The following CADM2 variants were observed in gnomAD, a reference collection of about 807,000 sequenced individuals.
The protein encoded by CADM2 is cell adhesion molecule 2.
CADM2 carries 12 observed loss-of-function variants against 49.8 expected under a neutral mutation model. The observed-to-expected ratio is 0.24, with a 90% CI of 0.15 to 0.39. The LOEUF (loss-of-function observed/expected upper bound fraction) is 0.39. Among genes scored for constraint, CADM2 ranks in the 10% least tolerant of loss-of-function variants. The pLI is 1.00. For missense variants in CADM2, 378 were observed against 492.3 expected (o/e 0.77, Z 2.20); for synonymous variants, 214 against 175.4 (o/e 1.22, Z -1.74).
In CADM2 at chr3:85,837,420, A is replaced by G. The variant is rs141145342; in HGVS notation, c.238+35224A>G. Among the ~76,000 whole-genome samples the G allele has an allele frequency of 5.4e-4, 82 of 151,796 alleles. No homozygotes were observed. In the East Asian group the frequency reaches 0.016, roughly 29 times the overall value. On this transcript the variant is annotated intron_variant, in intron 3 of 9. Coordinates refer to ENST00000383699, the MANE Select transcript of CADM2 (RefSeq NM_001167675.2). ...TTACCTATAATTTAATTAGGGGGAA[A>G]AAAACAGTTCCAGAGAGATTTCGCA... is the stretch of plus-strand genomic sequence containing the variant.
At chr3:85,736,354 G>T (rs888118023) in intron 2 of CADM2, among the ~76,000 whole-genome samples, 1 of 152,072 alleles carries the variant, frequency 6.6e-6, no homozygotes, top group African/African-American at 2.4e-5. Flanking sequence ...CAAAACAATG[G>T]TACAATAAGA....
chr3:85,918,401 A>T (rs558314932), intron 6 of CADM2, among the ~76,000 whole-genome samples: 1 of 152,284 alleles, frequency 6.6e-6, no homozygotes, highest in East Asian at 1.9e-4. Flanking sequence ...TTCAGCATCT[A>T]TTGAGATAAT....
intron 1 of CADM2, among the ~76,000 whole-genome samples, chr3:85,638,796 A>C (rs188276388): frequency 6.6e-6 from 1 of 152,162 alleles, no homozygotes; most frequent in Admixed American, 6.5e-5. Context: ...ATCACAGAAT[A>C]TAATATCAGC....
At chr3:86,024,520 G>C (rs1733624218) in intron 8 of CADM2, among the ~76,000 whole-genome samples, 1 of 152,146 alleles carries the variant, frequency 6.6e-6, no homozygotes. Flanking sequence ...CCTGAGGTCT[G>C]CTCAAATTAG....
chr3:85,180,565 C>T (rs2040909784), intron 1 of CADM2, among the ~76,000 whole-genome samples: 2 of 150,216 alleles, frequency 1.3e-5, no homozygotes, highest in Admixed American at 6.6e-5. Context: ...ACCACCCTAC[C>T]TTCTCTCTTG....
Position 85,603,885 on chromosome 3 carries a change from A to G in CADM2, c.62-122637A>G, listed in dbSNP as rs948068861. Among the ~76,000 whole-genome samples, 8 of 151,980 alleles carry G rather than the reference A, an allele frequency of 5.3e-5. No homozygotes were observed. The Admixed American group carries it at 5.3e-4, about 10-fold the overall frequency. ...TGCTAACTTCTTATCTTCATTTTTA[A>G]TAAGGAAATGTATCCTTTAAAGTAT... On this transcript the variant is annotated intron_variant, in intron 1 of 9. Transcript: ENST00000383699.
intron 2 of CADM2, among the ~76,000 whole-genome samples, chr3:85,741,742 T>G (rs1330019460): frequency 6.6e-6 from 1 of 152,212 alleles, no homozygotes; most frequent in African/African-American, 2.4e-5. Flanking sequence ...AACTGAGATT[T>G]AAAAATCAAA....
At chr3:85,243,913 G>A (rs1046987097) in intron 1 of CADM2, among the ~76,000 whole-genome samples, 2 of 151,796 alleles carry the variant, frequency 1.3e-5, no homozygotes, top group Non-Finnish European at 2.9e-5. Context: ...AATATTTAAT[G>A]TGCAAATATT....
At chr3:85,173,478 GT>G (rs76668519) in intron 1 of CADM2, among the ~76,000 whole-genome samples, 15,093 of 152,036 alleles carry the variant, frequency 0.099, 938 homozygotes, top group African/African-American at 0.17. Flanking sequence ...AATTTCTCAA[GT>G]TTTTTCTTGA....
intron 1 of CADM2, among the ~76,000 whole-genome samples, chr3:85,343,942 A>T (rs1386531539): frequency 1.9e-4 from 29 of 152,338 alleles, no homozygotes; most frequent in Non-Finnish European, 2.1e-4. Flanking sequence ...TTCTTTAGAC[A>T]CTGCAAAGTG....
chr3:85,203,379 G>A (rs1161524464), intron 1 of CADM2, among the ~76,000 whole-genome samples: 1 of 152,064 alleles, frequency 6.6e-6, no homozygotes, highest in East Asian at 1.9e-4. Flanking sequence ...GAAGCTGAAG[G>A]AGGAGAGAGA....
chr3:85,581,718 C>T (rs549902968), intron 1 of CADM2, among the ~76,000 whole-genome samples: 1 of 151,820 alleles, frequency 6.6e-6, no homozygotes, highest in Non-Finnish European at 1.5e-5. Context: ...ATTTCTTTGC[C>T]TTCCAGCAGT....
chr3:85,594,056 C>T (rs1253013154), intron 1 of CADM2, among the ~76,000 whole-genome samples: 1 of 151,728 alleles, frequency 6.6e-6, no homozygotes, highest in Non-Finnish European at 1.5e-5. Flanking sequence ...CTGGCTATTG[C>T]TGGTTACATA....
chr3:85,344,335 T>C (rs934209031), intron 1 of CADM2, among the ~76,000 whole-genome samples: 1 of 151,378 alleles, frequency 6.6e-6, no homozygotes, highest in African/African-American at 2.4e-5. Context: ...GAGCAGAGAT[T>C]GCGCCACTGC....
chr3:85,659,543 T>G (rs972075961), intron 1 of CADM2, among the ~76,000 whole-genome samples: 11 of 152,114 alleles, frequency 7.2e-5, no homozygotes, highest in Admixed American at 6.6e-4. Context: ...GGGAACATTG[T>G]CTCAGGAAAG....
chr3:85,868,754 T>C (rs927040332), intron 3 of CADM2, among the ~76,000 whole-genome samples: 5 of 152,156 alleles, frequency 3.3e-5, no homozygotes, highest in Admixed American at 6.5e-5. Flanking sequence ...GTGTAATCTT[T>C]CCCTTCTCTT....
chr3:86,062,796 G>A (rs750081637), intron 8 of CADM2, among the ~76,000 whole-genome samples: 3 of 150,512 alleles, frequency 2.0e-5, no homozygotes, highest in African/African-American at 7.4e-5. Context: ...GAAACATAGT[G>A]TGTATTGTTA....
In CADM2 at chr3:85,848,207, C is replaced by T. The variant is rs568053258; in HGVS notation, c.239-35084C>T. On this transcript the variant is annotated intron_variant, in intron 3 of 9. Transcript: ENST00000383699. ...GAAAATGTATTTATCTCAGATAATT[C>T]TTCCATTACAACTTAAAAAATGTAT... Among the ~76,000 whole-genome samples, 7 of 152,124 alleles carry T rather than the reference C, an allele frequency of 4.6e-5. No individual in the cohort carries two copies. In the East Asian group the frequency reaches 1.4e-3, roughly 29 times the overall value.
intron 2 of CADM2, among the ~76,000 whole-genome samples, chr3:85,796,452 T>G (rs1055893259): frequency 6.6e-6 from 1 of 152,114 alleles, no homozygotes; most frequent in Non-Finnish European, 1.5e-5. Context: ...CCTGTTGACT[T>G]TCAAGTCAAC....
Sources: allele counts gnomAD v4.1 joint callset (sites outside exome capture counted in the v4.1 genomes callset), GRCh38; gene constraint gnomAD v4.1.1; transcripts MANE v1.5; gene names NCBI Gene and HGNC (gene_info 2026-07-23, HGNC 2026-07-21).